RHOH: variants seen among roughly 807,000 people sequenced by gnomAD.
RHOH encodes rho-related GTP-binding protein RhoH.
RHOH carries 6 observed loss-of-function variants against 13.8 expected under a neutral mutation model. The ratio of observed to expected loss-of-function variants is 0.44; its 90% CI spans 0.24 to 0.86. The LOEUF is 0.86. Ranked by LOEUF, RHOH falls within the 40% of genes least tolerant of loss-of-function variation. The pLI, the probability that RHOH is intolerant of heterozygous loss-of-function variation, is 0.24. For missense variants in RHOH, 147 were observed against 244.5 expected (o/e 0.60, Z 2.66); for synonymous variants, 117 against 103.0 (o/e 1.14, Z -0.82).
upstream of RHOH, among the ~76,000 whole-genome samples, chr4:40,191,493 G>A (rs967372836): frequency 3.3e-5 from 5 of 152,202 alleles, no homozygotes; most frequent in African/African-American, 4.8e-5. Flanking sequence ...TGTTGCAAAA[G>A]CGCATCAACT....
rs3775080 is a variant in RHOH, at chr4:40,226,468, G to C, written c.-330-16246G>C. On this transcript the variant is annotated intron_variant, in intron 1 of 2. Coordinates refer to ENST00000381799, the MANE Select transcript of RHOH (RefSeq NM_004310.5). Reference sequence around the variant, plus strand: ...ATGAACCCAGGAGGTGGAGTTTGTGGTGAGCCGAGATCACGCCATTGCACT... The same window carrying C: ...ATGAACCCAGGAGGTGGAGTTTGTGCTGAGCCGAGATCACGCCATTGCACT... Among the ~76,000 whole-genome samples the C allele has an allele frequency of 5.4e-3, 808 of 150,716 alleles. 20 individuals carry two copies. The highest frequency in any genetic ancestry group is 0.042 in the South Asian group (200 of 4,766).
At chr4:40,215,283 C>T (rs1446541139) in intron 1 of RHOH, among the ~76,000 whole-genome samples, 2 of 152,188 alleles carry the variant, frequency 1.3e-5, no homozygotes, top group Non-Finnish European at 2.9e-5. Context: ...CTCCTTTTGT[C>T]CCTCTTGCTT....
At chr4:40,195,405 CCTTCCTTCCT>C (rs1723036235), upstream of RHOH, among the ~76,000 whole-genome samples, 2 of 143,292 alleles carry the variant, frequency 1.4e-5, no homozygotes, top group African/African-American at 5.3e-5. Context: ...TTCCTTCCTT[CCTTCCTTCCT>C]TCCCTCCCCT....
intron 1 of RHOH, among the ~76,000 whole-genome samples, chr4:40,217,170 A>G (rs972177372): frequency 2.0e-5 from 3 of 152,136 alleles, no homozygotes; most frequent in African/African-American, 7.2e-5. Context: ...CCTCTGTCAG[A>G]TGTGGCAGGA....
upstream of RHOH, chr4:40,196,896 G>A (rs758847559): frequency 4.6e-5 from 7 of 152,038 alleles, no homozygotes; most frequent in African/African-American, 1.7e-4. Context: ...CTCTGATCTG[G>A]GGAAGTTTCA....
chr4:40,238,084 T>G (rs1358345000), intron 1 of RHOH, among the ~76,000 whole-genome samples: 1 of 152,152 alleles, frequency 6.6e-6, no homozygotes, highest in Admixed American at 6.6e-5. Context: ...CAAATCTGAT[T>G]CCATTTTACA....
At chr4:40,194,502 T>C (rs1226342794), upstream of RHOH, among the ~76,000 whole-genome samples, 2 of 152,206 alleles carry the variant, frequency 1.3e-5, no homozygotes, top group Non-Finnish European at 1.5e-5. Context: ...GTTTTGGGAT[T>C]ATAGGCGTGA....
At chr4:40,203,509 G>A (rs1268430071) in intron 1 of RHOH, among the ~76,000 whole-genome samples, 1 of 151,618 alleles carries the variant, frequency 6.6e-6, no homozygotes, top group Non-Finnish European at 1.5e-5. Flanking sequence ...GTCCAGGGAA[G>A]GTATATCTGT....
intron 1 of RHOH, among the ~76,000 whole-genome samples, chr4:40,219,211 A>C (rs577543395): frequency 6.6e-6 from 1 of 152,286 alleles, no homozygotes; most frequent in Admixed American, 6.5e-5. Flanking sequence ...CAGGAGTTTG[A>C]GACCATCCTG....
chr4:40,216,458 G>A (rs1354281385), intron 1 of RHOH, among the ~76,000 whole-genome samples: 1 of 151,938 alleles, frequency 6.6e-6, no homozygotes, highest in Non-Finnish European at 1.5e-5. Flanking sequence ...GACACAGTGA[G>A]ACTCCATCTC....
chr4:40,193,140 T>A (rs2109325314), upstream of RHOH: 1 of 152,536 alleles, frequency 6.6e-6, no homozygotes, highest in African/African-American at 2.4e-5. Context: ...GCTCTGGCCG[T>A]GTTAACACGA....
intron 1 of RHOH, among the ~76,000 whole-genome samples, chr4:40,238,909 C>G (rs1728921033): frequency 6.6e-6 from 1 of 152,106 alleles, no homozygotes; most frequent in African/African-American, 2.4e-5. Context: ...GAATTCAAGC[C>G]CATCAGACTC....
rs1186810028 is a variant in RHOH, at chr4:40,245,856, C to T, written c.*1894C>T. On this transcript the variant is annotated 3_prime_UTR_variant, in exon 3 of 3. Transcript: ENST00000381799. The stretch of plus-strand genomic sequence containing the variant: ...ACATTGCTTTCTCCTTCTCTCTCTC[C>T]TCCTATCCACAGCCAGTAAAAGGCC... 6.6e-6 allele frequency: 1 copy of T among 152,234 alleles called. No individual in the cohort carries two copies. The highest frequency in any genetic ancestry group is 1.5e-5 in the Non-Finnish European group (1 of 68,060). The allele number at this position is 152,234 out of a possible 1,614,324, so 9.4% of individuals were successfully genotyped here.
At position 40,231,192 on chromosome 4, in the gene RHOH, T is replaced by C. The variant is rs141488004; in HGVS notation, c.-330-11522T>C. Among the ~76,000 whole-genome samples the C allele has an allele frequency of 3.2e-3, 489 of 152,298 alleles. 1 individual carries two copies. The highest frequency in any genetic ancestry group is 5.1e-3 in the Non-Finnish European group (348 of 68,024). On this transcript the variant is annotated intron_variant, in intron 1 of 2. Coordinates refer to ENST00000381799, the MANE Select transcript of RHOH (RefSeq NM_004310.5). ...TTTTGAAACCTGCCATTTTGAAACC[T>C]GCTTTCCACCCATTTAGCTTAGGAA...
intron 1 of RHOH, among the ~76,000 whole-genome samples, chr4:40,200,752 G>A (rs145772618): frequency 1.7e-3 from 257 of 152,306 alleles, no homozygotes; most frequent in African/African-American, 5.8e-3. Context: ...ACACGCAAAC[G>A]TACGGTGCCG....
chr4:40,204,789 A>G (rs1416785672), intron 1 of RHOH, among the ~76,000 whole-genome samples: 4 of 152,234 alleles, frequency 2.6e-5, no homozygotes, highest in Admixed American at 6.5e-5. Context: ...GATCCTTAAA[A>G]TGAGTAGCAT....
intron 1 of RHOH, among the ~76,000 whole-genome samples, chr4:40,220,518 C>T (rs1726427781): frequency 6.6e-6 from 1 of 151,938 alleles, no homozygotes. Context: ...ACCATTCTGC[C>T]TTTGTGTGGC....
At chr4:40,202,287 T>C (rs1227306029) in intron 1 of RHOH, among the ~76,000 whole-genome samples, 1 of 152,134 alleles carries the variant, frequency 6.6e-6, no homozygotes, top group Non-Finnish European at 1.5e-5. Context: ...GTTATGATGG[T>C]TATGAAAATA....
intron 1 of RHOH, among the ~76,000 whole-genome samples, chr4:40,204,199 G>C (rs28627443): frequency 6.6e-6 from 1 of 152,122 alleles, no homozygotes; most frequent in East Asian, 1.9e-4. Flanking sequence ...TCAATGTCTC[G>C]TGCTCTTCTT....
Sources: gnomAD v4.1 joint callset for allele counts (sites outside exome capture counted in the v4.1 genomes callset) on GRCh38, gnomAD v4.1.1 for gene constraint, MANE v1.5 for transcripts, NCBI Gene and HGNC (gene_info 2026-07-23, HGNC 2026-07-21) for gene names.